Variants in AP1M1 observed in about 807,000 individuals in gnomAD.
AP1M1 encodes AP-1 complex subunit mu-1.
Under a neutral mutation model 57.1 loss-of-function variants are expected in AP1M1, and 18 were observed. The observed-to-expected ratio is 0.32, with a 90% CI of 0.22 to 0.47. AP1M1 has a LOEUF of 0.47. AP1M1 is among the 20% of genes least tolerant of loss of function. AP1M1 has a pLI of 1.00. For missense variants in AP1M1, 362 were observed against 593.5 expected, an observed-to-expected ratio of 0.61 and a Z score of 4.05; for synonymous variants, 241 against 237.9, an observed-to-expected ratio of 1.01 and a Z score of -0.12.
At position 16,228,743 on chromosome 19, in the gene AP1M1, C is replaced by T. The variant is rs2091582154; in HGVS notation, c.889-27C>T. 6.2e-7 allele frequency: 1 copy of T among 1,612,478 alleles called. No individual in the cohort carries two copies. Among genetic ancestry groups the T allele is most frequent in the Non-Finnish European group, 8.5e-7 (1 of 1,179,300 alleles). On this transcript the variant is annotated intron_variant, in intron 8 of 11. Transcript: ENST00000291439. The surrounding 1 kb of genome is among the most constrained non-coding windows in gnomAD (Gnocchi z 5.0). ...GCCAGCTCACCTTGGCCTCCATAACCCCGGGCCGCATTGGCCTGGCCTGCA... is the reference window on the plus strand; with the variant it reads ...GCCAGCTCACCTTGGCCTCCATAACTCCGGGCCGCATTGGCCTGGCCTGCA...
At chr19:16,225,900 G>T (rs55917744) in intron 5 of AP1M1, among the ~76,000 whole-genome samples, 8,945 of 152,164 alleles carry the variant, frequency 0.059, 491 homozygotes, top group East Asian at 0.31. Context: ...AGCAAGTCTG[G>T]CCTGGTTCAA....
Position 16,228,781 on chromosome 19 carries a change from G to A in AP1M1, c.900G>A (p.Gln300=). The change falls in exon 9 of 12, where the codon CAG becomes CAA. Residue 300 remains glutamine (Q), a synonymous_variant. Coordinates refer to ENST00000291439, the MANE Select transcript of AP1M1 (RefSeq NM_032493.4). The surrounding 1 kb of genome is among the most constrained non-coding windows in gnomAD (Gnocchi z 5.0). ...RIEYMIKAKS[Q]FKRRSTANNV... ...GGCCTGGCCTGCAGGCCAAAAGCCA[G>A]TTCAAGCGGCGGTCAACAGCCAACA... 1 of 1,614,008 alleles carries A rather than the reference G, an allele frequency of 6.2e-7. No individual in the cohort carries two copies. The highest frequency in any genetic ancestry group is 1.3e-5 in the African/African-American group (1 of 75,056).
intron 5 of AP1M1, among the ~76,000 whole-genome samples, chr19:16,210,682 C>A (rs543178979): frequency 8.3e-4 from 126 of 152,320 alleles, no homozygotes; most frequent in African/African-American, 3.0e-3. Context: ...GCCTCAGCCT[C>A]CCGAGTAGCT....
chr19:16,219,613 G>C (rs909761391), intron 5 of AP1M1, among the ~76,000 whole-genome samples: 130 of 152,212 alleles, frequency 8.5e-4, no homozygotes, highest in African/African-American at 3.1e-3. Context: ...GGCCAGGCTG[G>C]TCTCGAACTC....
chr19:16,226,722 TAGAAG>T, intron 6 of AP1M1, 175 bp downstream of exon 6: 2 of 861,558 alleles, frequency 2.3e-6, no homozygotes, highest in Non-Finnish European at 3.4e-6. Flanking sequence ...TCCCTGGACA[TAGAAG>T]GTGCAGGGGA....
rs1238150002 is a variant in AP1M1 at position 16,228,031 on chromosome 19, C to T, written c.817-106C>T. The T allele has an allele frequency of 8.3e-7, 1 of 1,201,990 alleles. No individual in the cohort carries two copies. Among genetic ancestry groups the T allele is most frequent in the East Asian group, 2.5e-5 (1 of 40,368 alleles). 74.5% of individuals were successfully genotyped at this position (1,201,990 alleles called of 1,614,324 possible). On this transcript the variant is annotated intron_variant, in intron 7 of 11. Transcript: ENST00000291439. The surrounding 1 kb of genome is among the most constrained non-coding windows in gnomAD (Gnocchi z 5.0). ...TACGCTCCCTGCAGGGCTCTGGGCC[C>T]ACACCTGGGCAGATGGTCCCTTGCC...
intron 9 of AP1M1, among the ~76,000 whole-genome samples, chr19:16,231,390 GTTT>G (rs879682649): frequency 7.2e-6 from 1 of 139,530 alleles, no homozygotes. Flanking sequence ...CATACTAAAA[GTTT>G]TTTTTTTTTT....
chr19:16,226,273 T>G (rs1005564849), intron 5 of AP1M1, 148 bp from the exon 6 acceptor site: 1 of 1,208,770 alleles, frequency 8.3e-7, no homozygotes, highest in Admixed American at 2.6e-5. Flanking sequence ...GCTGGGACTC[T>G]CCCAGCTCAG....
At chr19:16,205,839 TA>T (rs2091467251) in intron 2 of AP1M1, among the ~76,000 whole-genome samples, 1 of 152,200 alleles carries the variant, frequency 6.6e-6, no homozygotes, top group Non-Finnish European at 1.5e-5. Flanking sequence ...AAGGTTTCTC[TA>T]GAAAGGTTTA....
chr19:16,229,194 C>A (rs1373761620), intron 9 of AP1M1, among the ~76,000 whole-genome samples: 1 of 152,216 alleles, frequency 6.6e-6, no homozygotes, highest in African/African-American at 2.4e-5. Context: ...CTCTCCCTCC[C>A]TCTCTGTGAT....
Position 16,227,550 on chromosome 19 carries a change from G to A in AP1M1, c.676G>A (p.Gly226Ser), listed in dbSNP as rs200593906. Residue 226 changes from glycine (G) to serine (S), a missense_variant and splice_region_variant, in exon 7 of 12, where the codon GGC becomes AGC. Physicochemically the swap from Gly to Ser is moderately conservative, Grantham distance 56. Coordinates refer to ENST00000291439, the MANE Select transcript of AP1M1 (RefSeq NM_032493.4). This position sits in a 1 kb window ranked among gnomAD's most constrained non-coding sequence, Gnocchi z 6.2. ...CCTACCCTCACCCCTGACCCCAGGC[G>A]GCAAAAGCAAATCCGTGGAGCTGGA... ...DKVLFDNTGR[G>S]KSKSVELEDV... The A allele has an allele frequency of 1.5e-4, 242 of 1,613,606 alleles. 1 individual carries two copies. Among genetic ancestry groups the A allele is most frequent in the Admixed American group, 2.8e-4 (17 of 59,978 alleles).
intron 5 of AP1M1, 35 bp from the exon 6 acceptor site, chr19:16,226,386 G>A (rs920042774): frequency 2.6e-5 from 40 of 1,510,354 alleles, no homozygotes; most frequent in Non-Finnish European, 3.6e-5. Context: ...TGGTGAGTTG[G>A]GGACCTCCCC....
chr19:16,207,370 G>A lies in AP1M1; in HGVS notation c.268-649G>A, dbSNP rs1157958362. ...TGGACCGGTGATGCTGTCACAGGCA[G>A]GGCTGGGCCTGGCTGTGCTGCCTGT... On this transcript the variant is annotated intron_variant, in intron 3 of 11. Coordinates refer to ENST00000291439, the MANE Select transcript of AP1M1 (RefSeq NM_032493.4). This position sits in a 1 kb window ranked among gnomAD's most constrained non-coding sequence, Gnocchi z 4.2. 1.3e-5 allele frequency among the ~76,000 whole-genome samples: 2 copies of A among 151,918 alleles called. No homozygotes were observed. The highest frequency in any genetic ancestry group is 3.9e-4 in the East Asian group (2 of 5,166).
In AP1M1 at chr19:16,206,520, A is replaced by C; in HGVS notation, c.267+112A>C. On this transcript the variant is annotated intron_variant, in intron 3 of 11. Coordinates refer to ENST00000291439, the MANE Select transcript of AP1M1 (RefSeq NM_032493.4). The surrounding 1 kb of genome is among the most constrained non-coding windows in gnomAD (Gnocchi z 4.3). ...GAGAGCTGTGGCATCCCCAGGGAGC[A>C]CTGGGGCTGGAAGCCCAGGAAGTGG... 8.7e-7 allele frequency: 1 copy of C among 1,155,566 alleles called. No homozygotes were observed. Among genetic ancestry groups the C allele is most frequent in the Non-Finnish European group, 1.3e-6 (1 of 788,762 alleles). The allele number at this position is 1,155,566 out of a possible 1,614,324, so 71.6% of individuals were successfully genotyped here.
At position 16,237,739 on chromosome 19, in the gene AP1M1, GAAAAA is replaced by G. The variant is rs200530461; in HGVS notation, c.*3310_*3314del. 7.0e-6 allele frequency: 1 copy of G among 142,734 alleles called. No homozygotes were observed. Among genetic ancestry groups the G allele is most frequent in the Admixed American group, 7.0e-5 (1 of 14,362 alleles). 8.8% of individuals were successfully genotyped at this position (142,734 alleles called of 1,614,324 possible). On this transcript the variant is annotated 3_prime_UTR_variant, in exon 12 of 12. Transcript: ENST00000291439. ...AACAGAGCAAGACTTCATCTCAAAA[GAAAAA>G]AAAAAGGCAAACGTTCAACCATGTA...
In AP1M1 at chr19:16,203,632, G is replaced by T. The variant is rs1386599606; in HGVS notation, c.199+17G>T. 2.5e-6 allele frequency: 4 copies of T among 1,588,520 alleles called. No individual in the cohort carries two copies. Among genetic ancestry groups the T allele is most frequent in the Non-Finnish European group, 2.6e-6 (3 of 1,165,406 alleles). ...ACCTGTATCGTATCCCTTTGCTGGG[G>T]GTGCTCCCAGGGGACTCCTGTGTGG... On this transcript the variant is annotated intron_variant, in intron 2 of 11. Transcript: ENST00000291439. The surrounding 1 kb of genome is among the most constrained non-coding windows in gnomAD (Gnocchi z 4.6).
At position 16,203,055 on chromosome 19, in the gene AP1M1, C is replaced by T. The variant is rs188820934; in HGVS notation, c.43-404C>T. 3.5e-5 allele frequency: 8 copies of T among 227,388 alleles called. No homozygotes were observed. The East Asian group carries it at 5.6e-4, about 16-fold the overall frequency. 14.1% of individuals were successfully genotyped at this position (227,388 alleles called of 1,614,324 possible). On this transcript the variant is annotated intron_variant, in intron 1 of 11. Transcript: ENST00000291439. The surrounding 1 kb of genome is among the most constrained non-coding windows in gnomAD (Gnocchi z 4.6). ...GGCCACCTGTGGACTTCAGTAAATA[C>T]GAACCTTCAGCGGGAGTGGGCGCCC...
At position 16,236,466 on chromosome 19, in the gene AP1M1, G is replaced by C. The variant is rs1246501952; in HGVS notation, c.*2031G>C. On this transcript the variant is annotated 3_prime_UTR_variant, in exon 12 of 12. Coordinates refer to ENST00000291439, the MANE Select transcript of AP1M1 (RefSeq NM_032493.4). Reference sequence around the variant, plus strand: ...GGGGCTCACACCGGAGTTGCTCTTGGAAACCACCGGGTTTAGGTTTGGGGG... The same window carrying C: ...GGGGCTCACACCGGAGTTGCTCTTGCAAACCACCGGGTTTAGGTTTGGGGG... The C allele has an allele frequency of 6.6e-6, 1 of 152,224 alleles. No homozygotes were observed. The highest frequency in any genetic ancestry group is 6.5e-5 in the Admixed American group (1 of 15,286). The allele number at this position is 152,224 out of a possible 1,614,324, so 9.4% of individuals were successfully genotyped here.
chr19:16,234,788 G>A lies in AP1M1; in HGVS notation c.*353G>A, dbSNP rs578219911. ...GCTTGCCAGCCAGCCAGCTGCAGGT[G>A]GCATCTGCCACGAAGGAAGCGCCAG... On this transcript the variant is annotated 3_prime_UTR_variant, in exon 12 of 12. Coordinates refer to ENST00000291439, the MANE Select transcript of AP1M1 (RefSeq NM_032493.4). 1.1e-3 allele frequency: 459 copies of A among 420,114 alleles called. No homozygotes were observed. Among genetic ancestry groups the A allele is most frequent in the Non-Finnish European group, 1.8e-3 (412 of 231,214 alleles). The allele number at this position is 420,114 out of a possible 1,614,324, so 26.0% of individuals were successfully genotyped here.
Sources: allele counts gnomAD v4.1 joint callset (sites outside exome capture counted in the v4.1 genomes callset), GRCh38; gene constraint gnomAD v4.1.1; non-coding constraint Gnocchi (gnomAD v3.1); transcripts MANE v1.5; gene names NCBI Gene and HGNC (gene_info 2026-07-23, HGNC 2026-07-21).